SAMD12: variants seen among roughly 807,000 people sequenced by gnomAD.
The protein encoded by SAMD12 is sterile alpha motif domain-containing protein 12.
A neutral mutation model predicts 15.0 loss-of-function variants in SAMD12; 9 were observed. The ratio of observed to expected loss-of-function variants is 0.60; its 90% CI spans 0.36 to 1.05. SAMD12 has a LOEUF of 1.05. SAMD12 is among the 50% of genes least tolerant of loss of function. SAMD12 has a pLI of 0.01. For missense variants in SAMD12, 230 were observed against 234.2 expected, an observed-to-expected ratio of 0.98 and a Z score of 0.12; for synonymous variants, 86 against 90.1, an observed-to-expected ratio of 0.96 and a Z score of 0.25.
At chr8:118,542,079 A>T (rs573148586) in intron 2 of SAMD12, among the ~76,000 whole-genome samples, 1 of 152,338 alleles carries the variant, frequency 6.6e-6, no homozygotes, top group African/African-American at 2.4e-5. Flanking sequence ...GAGGGTAGGC[A>T]TATGTCCTTT....
chr8:118,489,230 A>G (rs1264358897), intron 2 of SAMD12, among the ~76,000 whole-genome samples: 1 of 151,960 alleles, frequency 6.6e-6, no homozygotes, highest in Non-Finnish European at 1.5e-5. Flanking sequence ...TTCTTTATAT[A>G]CTCTGGATAT....
intron 2 of SAMD12, among the ~76,000 whole-genome samples, chr8:118,454,276 C>G (rs1177032552): frequency 6.6e-6 from 1 of 152,232 alleles, no homozygotes; most frequent in Non-Finnish European, 1.5e-5. Context: ...CATTGCTCCA[C>G]AGTTTTCTTC....
At chr8:118,432,909 A>G (rs571213977) in intron 3 of SAMD12, among the ~76,000 whole-genome samples, 2 of 152,304 alleles carry the variant, frequency 1.3e-5, no homozygotes, top group East Asian at 3.9e-4. Flanking sequence ...TGCCGCCATC[A>G]CCACCACAAT....
intron 4 of SAMD12, among the ~76,000 whole-genome samples, chr8:118,204,653 C>G (rs1187024739): frequency 2.0e-5 from 3 of 152,032 alleles, no homozygotes; most frequent in African/African-American, 7.3e-5. Context: ...ATGCAGGAGG[C>G]TGAGGCAGAA....
At chr8:118,601,049 G>T (rs778492827) in intron 1 of SAMD12, among the ~76,000 whole-genome samples, 5 of 152,078 alleles carry the variant, frequency 3.3e-5, no homozygotes, top group Non-Finnish European at 5.9e-5. Context: ...CAAGCAAAAT[G>T]CCTTGACTGC....
intron 4 of SAMD12, among the ~76,000 whole-genome samples, chr8:118,279,938 A>T (rs1813572199): frequency 6.6e-6 from 1 of 152,340 alleles, no homozygotes; most frequent in East Asian, 1.9e-4. Context: ...CACAGGACGC[A>T]CATGCCCTAT....
intron 3 of SAMD12, among the ~76,000 whole-genome samples, chr8:118,406,361 C>T (rs1821129297): frequency 1.3e-5 from 2 of 152,216 alleles, no homozygotes; most frequent in Admixed American, 6.5e-5. Context: ...GCAACTTCTG[C>T]CTCCTGGGTT....
intron 4 of SAMD12, among the ~76,000 whole-genome samples, chr8:118,338,687 T>C (rs1254726664): frequency 2.2e-4 from 33 of 152,192 alleles, no homozygotes; most frequent in Admixed American, 2.2e-3. Context: ...GGTTAAGTAT[T>C]TCACCAAGTT....
At chr8:118,292,139 A>G (rs189503109) in intron 4 of SAMD12, among the ~76,000 whole-genome samples, 4 of 151,586 alleles carry the variant, frequency 2.6e-5, no homozygotes, top group African/African-American at 7.3e-5. Context: ...AACTTGCAGG[A>G]AAGGGCAGGA....
chr8:118,208,192 G>C (rs773665833), intron 4 of SAMD12, among the ~76,000 whole-genome samples: 1 of 152,158 alleles, frequency 6.6e-6, no homozygotes, highest in Non-Finnish European at 1.5e-5. Context: ...AGGAGGCAGA[G>C]GTTGTGGTGA....
At chr8:118,200,822 T>C (rs745379916) in intron 4 of SAMD12, among the ~76,000 whole-genome samples, 3 of 152,206 alleles carry the variant, frequency 2.0e-5, no homozygotes, top group Non-Finnish European at 4.4e-5. Flanking sequence ...TTCTTCTTCC[T>C]ATTATTATTT....
chr8:118,145,537 A>T, the SAMD12 span, among the ~76,000 whole-genome samples: 1 of 152,184 alleles, frequency 6.6e-6, no homozygotes, highest in Admixed American at 6.5e-5. Flanking sequence ...TGTAGTCCCT[A>T]CTTTTAAAGG....
chr8:118,307,817 C>A (rs964290929), intron 4 of SAMD12, among the ~76,000 whole-genome samples: 2 of 136,930 alleles, frequency 1.5e-5, no homozygotes, highest in Admixed American at 7.3e-5. Flanking sequence ...GGATGCTCTG[C>A]CTCTGGCTTT....
chr8:118,142,946 A>G, the SAMD12 span, among the ~76,000 whole-genome samples: 1 of 152,232 alleles, frequency 6.6e-6, no homozygotes, highest in Non-Finnish European at 1.5e-5. Context: ...ATAATAGTGA[A>G]TAAACCACAG....
At chr8:118,143,231 ATTC>A in the SAMD12 span, among the ~76,000 whole-genome samples, 2 of 152,184 alleles carry the variant, frequency 1.3e-5, no homozygotes, top group African/African-American at 4.8e-5. Flanking sequence ...AAGAGTATAG[ATTC>A]TCCTCCTTTT....
At chr8:118,470,493 G>A (rs373842504) in intron 2 of SAMD12, among the ~76,000 whole-genome samples, 1 of 152,124 alleles carries the variant, frequency 6.6e-6, no homozygotes, top group African/African-American at 2.4e-5. Flanking sequence ...ACACTGACCC[G>A]AATGACTTTA....
chr8:118,233,645 G>T (rs1586368701), intron 4 of SAMD12, among the ~76,000 whole-genome samples: 1 of 152,104 alleles, frequency 6.6e-6, no homozygotes, highest in Non-Finnish European at 1.5e-5. Context: ...CCATCCAATG[G>T]CATCTCCTTG....
chr8:118,509,112 T>A (rs1825003907), intron 2 of SAMD12, among the ~76,000 whole-genome samples: 1 of 152,196 alleles, frequency 6.6e-6, no homozygotes, highest in Non-Finnish European at 1.5e-5. Context: ...AAGAAATGTA[T>A]CACTTTCTTG....
Position 118,542,124 on chromosome 8 carries a change from G to GA in SAMD12, c.192+38590dup, listed in dbSNP as rs369299055. ...AGTCTATTTTACTGCATGCAAGAAT[G>GA]AAAAAACTATTAAGCCAGTGAGAAA... is the stretch of plus-strand genomic sequence containing the variant. On this transcript the variant is annotated intron_variant, in intron 2 of 3. Transcript: ENST00000314727. 3.2e-3 allele frequency among the ~76,000 whole-genome samples: 485 copies of GA among 152,258 alleles called. 3 individuals are homozygous for GA. Among genetic ancestry groups the GA allele is most frequent in the African/African-American group, 0.011 (462 of 41,564 alleles).
Sources: allele counts gnomAD v4.1 joint callset (sites outside exome capture counted in the v4.1 genomes callset), GRCh38; gene constraint gnomAD v4.1.1; transcripts MANE v1.5; gene names NCBI Gene and HGNC (gene_info 2026-07-23, HGNC 2026-07-21).